DCC: variants seen among roughly 807,000 people sequenced by gnomAD.
The protein encoded by DCC is DCC netrin 1 receptor, also known as netrin receptor DCC.
In DCC, 58 loss-of-function variants were observed where a neutral mutation model predicts 172.5. That is an observed-to-expected ratio of 0.34 (90% CI 0.27 to 0.42). The LOEUF (loss-of-function observed/expected upper bound fraction) is 0.42. Among genes scored for constraint, DCC ranks in the 10% least tolerant of loss-of-function variants. The pLI is 1.00. For synonymous variants in DCC, 709 were observed against 644.5 expected, an observed-to-expected ratio of 1.10 and a Z score of -1.52; for missense variants, 1,740 against 1,791.0, an observed-to-expected ratio of 0.97 and a Z score of 0.51.
intron 8 of DCC, among the ~76,000 whole-genome samples, chr18:53,162,175 T>C (rs886549518): frequency 2.0e-5 from 3 of 151,714 alleles, no homozygotes; most frequent in Non-Finnish European, 4.4e-5. Context: ...GGCACGCACC[T>C]GTAATCCTGG....
chr18:53,170,992 C>G (rs112516860), intron 8 of DCC, among the ~76,000 whole-genome samples: 3,789 of 152,248 alleles, frequency 0.025, 76 homozygotes, highest in Non-Finnish European at 0.037. Context: ...TCAAGTGATT[C>G]TCGTGCCTCA....
intron 5 of DCC, among the ~76,000 whole-genome samples, chr18:53,001,101 C>A (rs1416874425): frequency 6.6e-6 from 1 of 151,962 alleles, no homozygotes; most frequent in African/African-American, 2.4e-5. Context: ...TCCCGCCAAC[C>A]CCTAAGCAAG....
At position 53,531,762 on chromosome 18, in the gene DCC, C is replaced by T. The variant is rs879411683; in HGVS notation, c.*1109C>T. On this transcript the variant is annotated 3_prime_UTR_variant, in exon 29 of 29. Coordinates refer to ENST00000442544, the MANE Select transcript of DCC (RefSeq NM_005215.4). The stretch of plus-strand genomic sequence containing the variant: ...TCTTAAAGAATGCCAACTCTGCCTA[C>T]AGGGTCAGTGTTGGCAAGCATTGGC... The T allele has an allele frequency of 6.6e-5, 10 of 152,212 alleles. No homozygotes were observed. The highest frequency in any genetic ancestry group is 2.6e-4 in the Admixed American group (4 of 15,276). The allele number at this position is 152,212 out of a possible 1,614,324, so 9.4% of individuals were successfully genotyped here. A position where few individuals can be genotyped will look rare whatever the true frequency, so the allele number is the denominator to read the frequency against.
intron 2 of DCC, among the ~76,000 whole-genome samples, 181 bp downstream of exon 2, chr18:52,752,555 A>C (rs1232641801): frequency 6.6e-6 from 1 of 152,206 alleles, no homozygotes; most frequent in Non-Finnish European, 1.5e-5. Flanking sequence ...GTATGTATAC[A>C]TCGTGGAGTG....
chr18:52,749,696 T>G (rs2036965719), intron 1 of DCC, among the ~76,000 whole-genome samples: 1 of 152,238 alleles, frequency 6.6e-6, no homozygotes, highest in Non-Finnish European at 1.5e-5. Context: ...AAGTGGATTA[T>G]TTATGTGTGA....
chr18:53,193,485 A>G (rs988807860), intron 9 of DCC, among the ~76,000 whole-genome samples: 10 of 151,440 alleles, frequency 6.6e-5, no homozygotes, highest in Non-Finnish European at 1.0e-4. Context: ...AGCACTGCCC[A>G]TTTTTTTTTA....
At chr18:53,486,714 T>A in intron 25 of DCC, 83 bp from the exon 26 acceptor site, 1 of 1,582,220 alleles carries the variant, frequency 6.3e-7, no homozygotes, top group East Asian at 2.2e-5. Flanking sequence ...GATTTGAGGA[T>A]CTGAAAATTC....
chr18:53,335,357 C>T (rs570564470), intron 14 of DCC, among the ~76,000 whole-genome samples: 4 of 152,008 alleles, frequency 2.6e-5, no homozygotes, highest in African/African-American at 9.7e-5. Context: ...TTTGTCTTTC[C>T]TCTCCCACCA....
intron 25 of DCC, among the ~76,000 whole-genome samples, chr18:53,472,336 G>C (rs1196459139): frequency 6.6e-6 from 1 of 152,146 alleles, no homozygotes; most frequent in East Asian, 1.9e-4. Context: ...TCAGAGTTCA[G>C]TGTTCTTAAT....
intron 2 of DCC, among the ~76,000 whole-genome samples, chr18:52,875,484 A>G (rs1030467671): frequency 2.6e-5 from 4 of 152,170 alleles, no homozygotes; most frequent in African/African-American, 9.7e-5. Flanking sequence ...AGCTCTAAAA[A>G]CACCAAGAAA....
chr18:52,390,938 T>G (rs1337249352), intron 1 of DCC, among the ~76,000 whole-genome samples: 2 of 152,090 alleles, frequency 1.3e-5, no homozygotes, highest in African/African-American at 4.8e-5. Context: ...CAGAAGTTTG[T>G]CCCCTCCATT....
intron 1 of DCC, among the ~76,000 whole-genome samples, chr18:52,429,295 C>T (rs752793032): frequency 6.6e-6 from 1 of 151,948 alleles, no homozygotes; most frequent in Non-Finnish European, 1.5e-5. Flanking sequence ...TAAATTGCAT[C>T]GAAGTACACA....
intron 23 of DCC, among the ~76,000 whole-genome samples, chr18:53,458,150 T>C (rs904549320): frequency 1.3e-5 from 2 of 152,164 alleles, no homozygotes; most frequent in African/African-American, 4.8e-5. Context: ...TAGTCTGCTG[T>C]CAAAACTAGA....
At chr18:53,142,284 C>A (rs1269565636) in intron 7 of DCC, among the ~76,000 whole-genome samples, 1 of 152,184 alleles carries the variant, frequency 6.6e-6, no homozygotes, top group Non-Finnish European at 1.5e-5. Context: ...AGTCTGAACG[C>A]TTTGTGTCTT....
At chr18:52,999,572 T>C (rs187692188) in intron 5 of DCC, among the ~76,000 whole-genome samples, 142 of 152,190 alleles carry the variant, frequency 9.3e-4, no homozygotes, top group Admixed American at 8.6e-3. Flanking sequence ...ACAAAATCTG[T>C]TGCTACACTA....
At chr18:52,407,283 G>A (rs909862595) in intron 1 of DCC, among the ~76,000 whole-genome samples, 9 of 152,036 alleles carry the variant, frequency 5.9e-5, no homozygotes, top group African/African-American at 2.2e-4. Context: ...AAGGTGAAGA[G>A]CACTCCTGAG....
At chr18:53,430,690 G>C (rs1046644481) in intron 21 of DCC, among the ~76,000 whole-genome samples, 2 of 152,032 alleles carry the variant, frequency 1.3e-5, no homozygotes, top group Non-Finnish European at 2.9e-5. Flanking sequence ...TTGCATAATA[G>C]TAATAACTTA....
intron 2 of DCC, among the ~76,000 whole-genome samples, chr18:52,768,622 A>G (rs1201073647): frequency 6.6e-6 from 1 of 152,198 alleles, no homozygotes; most frequent in Non-Finnish European, 1.5e-5. Context: ...TGTCTGGCAT[A>G]AGACCTTTTT....
At chr18:52,570,167 G>A (rs764644633) in intron 1 of DCC, among the ~76,000 whole-genome samples, 17 of 152,098 alleles carry the variant, frequency 1.1e-4, no homozygotes, top group Non-Finnish European at 2.4e-4. Flanking sequence ...CCTAGAGCTA[G>A]CAAATCTCTA....
Sources: gnomAD v4.1 joint callset for allele counts (sites outside exome capture counted in the v4.1 genomes callset) on GRCh38, gnomAD v4.1.1 for gene constraint, MANE v1.5 for transcripts, NCBI Gene and HGNC (gene_info 2026-07-23, HGNC 2026-07-21) for gene names.